Variants in SYNE2 observed in about 807,000 individuals in gnomAD.
The protein encoded by SYNE2 is nesprin-2.
Under a neutral mutation model 856.3 loss-of-function variants are expected in SYNE2, and 431 were observed. That is an observed-to-expected ratio of 0.50 (90% CI 0.47 to 0.55). SYNE2 has a LOEUF of 0.55. Ranked by LOEUF, SYNE2 falls within the 20% of genes least tolerant of loss-of-function variation. The probability of loss-of-function intolerance (pLI) is 0.00; values close to 1 mark genes in which losing one functional copy is unlikely to be tolerated. For synonymous variants in SYNE2, 2,923 were observed against 2,872.3 expected (o/e 1.02, Z -0.56); for missense variants, 8,129 against 8,023.2 (o/e 1.01, Z -0.50).
At chr14:63,886,168 T>G (rs985484304) in intron 1 of SYNE2, among the ~76,000 whole-genome samples, 28 of 152,182 alleles carry the variant, frequency 1.8e-4, no homozygotes, top group African/African-American at 6.8e-4. Context: ...AAATGCACTG[T>G]TGGGTGGACT....
chr14:63,949,749 A>G, intron 6 of SYNE2, 76 bp from the exon 7 acceptor site: 2 of 1,499,088 alleles, frequency 1.3e-6, no homozygotes, highest in Non-Finnish European at 1.9e-6. Context: ...TTAGGTCTCT[A>G]TTTTGACTGG....
rs774937188 is a variant in SYNE2, at chr14:63,981,014, G to A, written c.1677G>A (p.Gln559=). The change falls in exon 16 of 116, where the codon CAG becomes CAA. Residue 559 remains glutamine, a synonymous_variant. Coordinates refer to ENST00000555002, the MANE Select transcript of SYNE2 (RefSeq NM_182914.3). ...GAGAATGTCAGAATATTAATAAACA[G>A]TATATGATGGTGAAATCTGATGTTT... is the stretch of plus-strand genomic sequence containing the variant. ...LAGECQNINK[Q]YMMVKSDVCM... 9 of 1,567,424 alleles carry A rather than the reference G, an allele frequency of 5.7e-6. No homozygotes were observed. The highest frequency in any genetic ancestry group is 1.1e-5 in the South Asian group (1 of 89,312).
chr14:64,049,518 TAG>T (rs2097209545), intron 46 of SYNE2, 91 bp from the exon 47 acceptor site: 9 of 1,323,204 alleles, frequency 6.8e-6, no homozygotes, highest in East Asian at 2.4e-5. Flanking sequence ...CTTCCTGAGA[TAG>T]AGTGTGTTAT....
intron 2 of SYNE2, among the ~76,000 whole-genome samples, chr14:63,912,865 T>C (rs2095489637): frequency 6.6e-6 from 1 of 152,240 alleles, no homozygotes; most frequent in South Asian, 2.1e-4. Context: ...CAAGTGACTT[T>C]ATCTTTCTTT....
intron 1 of SYNE2, among the ~76,000 whole-genome samples, chr14:63,767,746 TTCTA>T (rs1886740027): frequency 6.6e-6 from 1 of 152,198 alleles, no homozygotes; most frequent in Non-Finnish European, 1.5e-5. Flanking sequence ...CACCCTCATA[TTCTA>T]TCTTTTTGTA....
At chr14:64,057,209 C>G (rs1044517423) in intron 49 of SYNE2, among the ~76,000 whole-genome samples, 2 of 151,984 alleles carry the variant, frequency 1.3e-5, no homozygotes, top group African/African-American at 4.8e-5. Context: ...GCTATCAATA[C>G]TAGATCTTAT....
chr14:63,995,222 C>T lies in SYNE2; in HGVS notation c.2940+20C>T. 6.3e-7 allele frequency: 1 copy of T among 1,597,226 alleles called. No homozygotes were observed. ...CATGAGGTACAATAAAGTGTTTCCACTTAAATTTTGTCATCATTTTGGGGT... is the reference window on the plus strand; with the variant it reads ...CATGAGGTACAATAAAGTGTTTCCATTTAAATTTTGTCATCATTTTGGGGT... On this transcript the variant is annotated intron_variant, in intron 23 of 115. Coordinates refer to ENST00000555002, the MANE Select transcript of SYNE2 (RefSeq NM_182914.3).
chr14:64,100,482 C>T (rs2097712834), intron 63 of SYNE2: 1 of 130,406 alleles, frequency 7.7e-6, no homozygotes, highest in Non-Finnish European at 1.6e-5. Context: ...CGCTGTTGCA[C>T]TCCAGCCTGG....
At chr14:64,047,287 T>C (rs948564085) in intron 45 of SYNE2, among the ~76,000 whole-genome samples, 1 of 151,882 alleles carries the variant, frequency 6.6e-6, no homozygotes, top group Non-Finnish European at 1.5e-5. Context: ...GGATAGGGAG[T>C]GTGTGCTGAC....
At chr14:63,835,791 C>T (rs896203852) in intron 1 of SYNE2, among the ~76,000 whole-genome samples, 1 of 151,962 alleles carries the variant, frequency 6.6e-6, no homozygotes, top group African/African-American at 2.4e-5. Context: ...CAAGATCAGC[C>T]TCACCAACAT....
intron 55 of SYNE2, among the ~76,000 whole-genome samples, chr14:64,079,701 ATTTTC>A (rs1370940643): frequency 6.6e-6 from 1 of 152,014 alleles, no homozygotes; most frequent in Non-Finnish European, 1.5e-5. Flanking sequence ...TCAGCAGATA[ATTTTC>A]TTTTCTTTTT....
At chr14:63,891,464 T>G (rs2095130456) in intron 1 of SYNE2, among the ~76,000 whole-genome samples, 1 of 152,128 alleles carries the variant, frequency 6.6e-6, no homozygotes, top group Non-Finnish European at 1.5e-5. Flanking sequence ...TTGATGGGAA[T>G]TGTTAAGAGA....
At chr14:63,904,417 G>A (rs978010776) in intron 1 of SYNE2, among the ~76,000 whole-genome samples, 3 of 152,136 alleles carry the variant, frequency 2.0e-5, no homozygotes, top group African/African-American at 7.2e-5. Context: ...CACAGTGGCT[G>A]CACTAATTTA....
intron 94 of SYNE2, chr14:64,173,806 C>T: frequency 1.8e-6 from 1 of 552,622 alleles, no homozygotes; most frequent in African/African-American, 1.9e-5. Flanking sequence ...TTAATTTTTC[C>T]TCTAAAACCA....
At chr14:64,098,987 A>T in intron 63 of SYNE2, 166 bp downstream of exon 63, 1 of 692,972 alleles carries the variant, frequency 1.4e-6, no homozygotes, top group Non-Finnish European at 2.5e-6. Context: ...GTTTAAGTGT[A>T]TGGAAACCTA....
chr14:64,141,528 G>T lies in SYNE2; in HGVS notation c.15159+5G>T, dbSNP rs1460161808. The T allele has an allele frequency of 6.2e-7, 1 of 1,613,562 alleles. No individual in the cohort carries two copies. The highest frequency in any genetic ancestry group is 8.5e-7 in the Non-Finnish European group (1 of 1,179,700). The stretch of plus-strand genomic sequence containing the variant: ...ATTCAAGAAAAACTTCACCAGGTAA[G>T]TCTTTAGAGCCTCAGCATTTGAATT... On this transcript the variant is annotated splice_donor_5th_base_variant and intron_variant, in intron 81 of 115. Transcript: ENST00000555002.
At chr14:64,158,319 T>G (rs1259098311) in intron 85 of SYNE2, among the ~76,000 whole-genome samples, 2 of 152,224 alleles carry the variant, frequency 1.3e-5, no homozygotes, top group Non-Finnish European at 2.9e-5. Flanking sequence ...AGAATATAAC[T>G]GAACCTTGCA....
intron 20 of SYNE2, 95 bp downstream of exon 20, chr14:63,990,664 G>A: frequency 8.9e-7 from 1 of 1,121,472 alleles, no homozygotes; most frequent in Non-Finnish European, 1.3e-6. Context: ...CCTGTAGCTT[G>A]GAAATGTTTT....
In SYNE2 at chr14:64,125,190, G is replaced by T. The variant is rs758884582; in HGVS notation, c.13534G>T (p.Ala4512Ser). Residue 4512 changes from alanine (A) to serine (S), a missense_variant, in exon 71 of 116, where the codon GCA becomes TCA. Ala to Ser is a moderately conservative substitution (Grantham distance 99, BLOSUM62 1). Around this residue, in one of 3 missense-constraint regions of SYNE2, gnomAD observed 5,410 missense variants for 5,284.8 expected, o/e 1.02. Coordinates refer to ENST00000555002, the MANE Select transcript of SYNE2 (RefSeq NM_182914.3). Reference sequence around the variant, plus strand: ...CCAACTTGAAGACCTGCGCCAAGAAGCAAGTAACCTTCAGACACAGGTAGA... The same window carrying T: ...CCAACTTGAAGACCTGCGCCAAGAATCAAGTAACCTTCAGACACAGGTAGA... The part of the protein sequence containing the change: ...TTQLEDLRQE[A>S]SNLQTQENMT... The T allele has an allele frequency of 1.2e-6, 2 of 1,614,110 alleles. No individual in the cohort carries two copies.
Sources: allele counts gnomAD v4.1 joint callset (sites outside exome capture counted in the v4.1 genomes callset), GRCh38; gene constraint gnomAD v4.1.1; regional missense constraint gnomAD v4.1.1; transcripts MANE v1.5; gene names NCBI Gene and HGNC (gene_info 2026-07-23, HGNC 2026-07-21).